DLG2: variants seen among roughly 807,000 people sequenced by gnomAD.
The protein encoded by DLG2 is disks large homolog 2.
A neutral mutation model predicts 132.5 loss-of-function variants in DLG2; 45 were observed. The observed-to-expected ratio is 0.34, with a 90% confidence interval of 0.27 to 0.44. The LOEUF (loss-of-function observed/expected upper bound fraction) is 0.44, where lower values mean the gene tolerates loss of function less well. DLG2 is among the 20% of genes least tolerant of loss of function. The pLI is 1.00. For synonymous variants in DLG2, 424 were observed against 419.6 expected, an observed-to-expected ratio of 1.01 and a Z score of -0.13; for missense variants, 1,045 against 1,196.9, an observed-to-expected ratio of 0.87 and a Z score of 1.87.
At chr11:85,255,327 A>C (rs1328659497) in intron 4 of DLG2, among the ~76,000 whole-genome samples, 1 of 152,214 alleles carries the variant, frequency 6.6e-6, no homozygotes, top group African/African-American at 2.4e-5. Context: ...TAAATCTTAT[A>C]TACAAAGGAT....
At position 85,216,483 on chromosome 11, in the gene DLG2, C is replaced by T. The variant is rs545227794; in HGVS notation, c.187-61832G>A. On this transcript the variant is annotated intron_variant, in intron 4 of 27. Coordinates refer to ENST00000376104, the MANE Select transcript of DLG2 (RefSeq NM_001142699.3). ...AAGCTTTTGACAAGCATTTTTGCAC[C>T]AGGTTTGTATGCAGTTATGGGAGAT... 1.4e-4 allele frequency among the ~76,000 whole-genome samples: 21 copies of T among 151,918 alleles called. No individual in the cohort carries two copies. In the South Asian group the frequency reaches 1.7e-3, roughly 12 times the overall value.
intron 3 of DLG2, among the ~76,000 whole-genome samples, chr11:85,498,641 C>G (rs142710944): frequency 0.015 from 2,323 of 152,270 alleles, 25 homozygotes; most frequent in Middle Eastern, 0.037. Flanking sequence ...TTCTCAGCAC[C>G]ACATCGCACT....
intron 16 of DLG2, among the ~76,000 whole-genome samples, chr11:83,837,989 A>C (rs1304497392): frequency 6.6e-6 from 1 of 152,182 alleles, no homozygotes; most frequent in African/African-American, 2.4e-5. Flanking sequence ...TTTCCCCAGA[A>C]TAAACACACG....
intron 3 of DLG2, among the ~76,000 whole-genome samples, chr11:85,379,293 T>A (rs2085683345): frequency 6.6e-6 from 1 of 152,148 alleles, no homozygotes; most frequent in African/African-American, 2.4e-5. Flanking sequence ...CAGACGCTCC[T>A]CCCTAACAGC....
chr11:85,534,617 A>ATTAAT (rs1282881691), intron 3 of DLG2, among the ~76,000 whole-genome samples: 1 of 152,160 alleles, frequency 6.6e-6, no homozygotes, highest in Non-Finnish European at 1.5e-5. Context: ...CTGTTTCTGC[A>ATTAAT]TTAATTTGCT....
intron 19 of DLG2, among the ~76,000 whole-genome samples, chr11:83,608,704 C>G (rs190493373): frequency 1.3e-5 from 2 of 150,398 alleles, no homozygotes; most frequent in African/African-American, 4.9e-5. Context: ...ATAAATAAAT[C>G]AGGACACACA....
intron 5 of DLG2, among the ~76,000 whole-genome samples, chr11:85,121,337 T>C (rs1401361523): frequency 1.3e-5 from 2 of 151,324 alleles, no homozygotes; most frequent in African/African-American, 2.4e-5. Context: ...AATGTTTTCA[T>C]AGTAAAATAT....
chr11:84,203,184 T>G (rs1049240528), intron 8 of DLG2, among the ~76,000 whole-genome samples: 2 of 152,138 alleles, frequency 1.3e-5, no homozygotes, highest in African/African-American at 2.4e-5. Flanking sequence ...TGCAGCACTG[T>G]TCACAATAGC....
At chr11:83,582,007 A>G (rs1203891062) in intron 19 of DLG2, among the ~76,000 whole-genome samples, 2 of 113,036 alleles carry the variant, frequency 1.8e-5, no homozygotes, top group Admixed American at 2.8e-4. Flanking sequence ...CGCAGGCTGG[A>G]GTGCAATGGC....
chr11:84,888,886 G>T (rs2088821228), intron 6 of DLG2, among the ~76,000 whole-genome samples: 1 of 152,134 alleles, frequency 6.6e-6, no homozygotes, highest in Non-Finnish European at 1.5e-5. Flanking sequence ...TAGAACTTCA[G>T]TTCTGACCCA....
intron 14 of DLG2, among the ~76,000 whole-genome samples, chr11:83,952,492 C>A (rs2085721350): frequency 6.6e-6 from 1 of 152,072 alleles, no homozygotes; most frequent in South Asian, 2.1e-4. Flanking sequence ...ATATTAAATA[C>A]ATATATAATC....
rs541677746 is a variant in DLG2, at chr11:84,726,207, C to G, written c.358-191476G>C. 1.4e-4 allele frequency among the ~76,000 whole-genome samples: 22 copies of G among 152,176 alleles called. No homozygotes were observed. In the South Asian group the frequency reaches 4.6e-3, roughly 32 times the overall value. Reference sequence around the variant, plus strand: ...GGTATACACGTGGCATGGTGGTTTGCTGCAACCATCATCCCGTCTCCTACG... The same window carrying G: ...GGTATACACGTGGCATGGTGGTTTGGTGCAACCATCATCCCGTCTCCTACG... On this transcript the variant is annotated intron_variant, in intron 6 of 27. Coordinates refer to ENST00000376104, the MANE Select transcript of DLG2 (RefSeq NM_001142699.3).
At chr11:85,140,315 A>G (rs941114344) in intron 5 of DLG2, among the ~76,000 whole-genome samples, 1 of 151,978 alleles carries the variant, frequency 6.6e-6, no homozygotes, top group East Asian at 1.9e-4. Context: ...CATCATCACC[A>G]ACATTTGTCA....
intron 6 of DLG2, among the ~76,000 whole-genome samples, chr11:84,601,407 G>A (rs953543254): frequency 5.3e-5 from 8 of 152,138 alleles, no homozygotes; most frequent in Non-Finnish European, 8.8e-5. Flanking sequence ...GAAATGCAGT[G>A]CTTCCATGTA....
intron 17 of DLG2, among the ~76,000 whole-genome samples, chr11:83,821,906 A>T (rs1319166477): frequency 6.6e-6 from 1 of 152,166 alleles, no homozygotes; most frequent in Non-Finnish European, 1.5e-5. Flanking sequence ...ATTCTATTGC[A>T]TTCCTCTCTA....
chr11:83,849,499 T>G (rs191831531), intron 16 of DLG2, among the ~76,000 whole-genome samples: 10 of 151,758 alleles, frequency 6.6e-5, no homozygotes, highest in African/African-American at 2.2e-4. Context: ...TATAGAGACA[T>G]AGATATTTGA....
intron 6 of DLG2, among the ~76,000 whole-genome samples, chr11:84,560,529 C>T (rs542702653): frequency 2.0e-5 from 3 of 152,076 alleles, no homozygotes; most frequent in African/African-American, 4.8e-5. Flanking sequence ...TCTGAATGTG[C>T]GCCTCTAATA....
chr11:84,238,393 T>C (rs2097186166), intron 8 of DLG2, among the ~76,000 whole-genome samples: 1 of 152,076 alleles, frequency 6.6e-6, no homozygotes, highest in South Asian at 2.1e-4. Flanking sequence ...CACACGCCTG[T>C]AGTCCCAGCT....
chr11:84,807,559 G>A (rs907238188), intron 6 of DLG2, among the ~76,000 whole-genome samples: 7 of 152,018 alleles, frequency 4.6e-5, no homozygotes, highest in African/African-American at 7.3e-5. Flanking sequence ...TCACAGTCAC[G>A]GATTATCAGA....
Sources: gnomAD v4.1 joint callset for allele counts (sites outside exome capture counted in the v4.1 genomes callset) on GRCh38, gnomAD v4.1.1 for gene constraint, MANE v1.5 for transcripts, NCBI Gene and HGNC (gene_info 2026-07-23, HGNC 2026-07-21) for gene names.